The following ANK3 variants were observed in gnomAD, a reference collection of about 807,000 sequenced individuals.
The protein encoded by ANK3 is ankyrin 3.
ANK3 carries 57 observed loss-of-function variants against 370.9 expected under a neutral mutation model. The ratio of observed to expected loss-of-function variants is 0.15; its 90% confidence interval spans 0.12 to 0.19. The LOEUF (loss-of-function observed/expected upper bound fraction) is 0.19. Ranked by LOEUF, ANK3 falls within the 10% of genes least tolerant of loss-of-function variation. ANK3 has a pLI of 1.00. For synonymous variants in ANK3, 1,929 were observed against 1,946.3 expected (o/e 0.99, Z 0.23); for missense variants, 4,439 against 5,302.1 (o/e 0.84, Z 5.06).
chr10:60,528,261 C>T (rs894886615), intron 2 of ANK3, among the ~76,000 whole-genome samples: 9 of 150,946 alleles, frequency 6.0e-5, no homozygotes, highest in Admixed American at 1.3e-4. Context: ...CTCAGCCTCT[C>T]GAGTAGCTGG....
At chr10:60,369,657 T>C (rs2059851605) in intron 1 of ANK3, among the ~76,000 whole-genome samples, 3 of 152,202 alleles carry the variant, frequency 2.0e-5, no homozygotes. Context: ...AATCATTCCA[T>C]CCAGGGAACT....
rs201200532 is a variant in ANK3 at position 60,113,806 on chromosome 10, T to G, written c.2948+419A>C. Among the ~76,000 whole-genome samples, 4 of 152,276 alleles carry G rather than the reference T, an allele frequency of 2.6e-5. No individual in the cohort carries two copies. The East Asian group carries it at 7.7e-4, about 29-fold the overall frequency. ...AGTTAAGGTAAATTAACAGGCATACTTACATATTTAATTTTCTATTGGAAA... is the reference window on the plus strand; with the variant it reads ...AGTTAAGGTAAATTAACAGGCATACGTACATATTTAATTTTCTATTGGAAA... On this transcript the variant is annotated intron_variant, in intron 26 of 43. Transcript: ENST00000280772.
chr10:60,124,425 T>C (rs978889230), intron 25 of ANK3, among the ~76,000 whole-genome samples: 2 of 152,194 alleles, frequency 1.3e-5, no homozygotes, highest in African/African-American at 4.8e-5. Context: ...TCTACCCACC[T>C]TGGCCTCCCA....
intron 2 of ANK3, among the ~76,000 whole-genome samples, chr10:60,425,179 A>G (rs1028506205): frequency 5.3e-5 from 8 of 152,062 alleles, no homozygotes; most frequent in Admixed American, 4.6e-4. Context: ...TCAGGTAGGA[A>G]GGCTGCATTG....
chr10:60,073,955 G>C lies in ANK3; in HGVS notation c.6926C>G (p.Ala2309Gly). The C allele has an allele frequency of 6.2e-7, 1 of 1,613,956 alleles. No homozygotes were observed. Among genetic ancestry groups the C allele is most frequent in the Non-Finnish European group, 8.5e-7 (1 of 1,179,972 alleles). Residue 2309 changes from alanine (A) to glycine (G), a missense_variant, in exon 37 of 44, where the codon GCT becomes GGT. This residue lies in a region of ANK3 where 1,601 missense variants were observed against 1,731.7 expected (regional missense o/e 0.92). Coordinates refer to ENST00000280772, the MANE Select transcript of ANK3 (RefSeq NM_020987.5). ...CTCTGCATGCTGGGCTGAGGTTTCA[G>C]CAGCAGACTTGTGAACATCTGGAGA... is the stretch of plus-strand genomic sequence containing the variant. ...AVSPDVHKSA[A>G]ETSAQHAEKD...
intron 42 of ANK3, chr10:60,042,977 G>A: frequency 7.6e-7 from 1 of 1,314,358 alleles, no homozygotes; most frequent in Non-Finnish European, 9.7e-7. Flanking sequence ...CAACATAATT[G>A]TACTTGACAA....
intron 2 of ANK3, among the ~76,000 whole-genome samples, chr10:60,491,995 A>T (rs959435146): frequency 1.3e-5 from 2 of 152,190 alleles, no homozygotes; most frequent in Non-Finnish European, 2.9e-5. Flanking sequence ...CCTCATATAC[A>T]ACTGTGGTCC....
At chr10:60,522,224 G>A (rs921919703) in intron 2 of ANK3, among the ~76,000 whole-genome samples, 5 of 151,956 alleles carry the variant, frequency 3.3e-5, no homozygotes, top group African/African-American at 7.2e-5. Flanking sequence ...AAGCGCCTCC[G>A]TTTAGCCAGG....
At position 60,261,850 on chromosome 10, in the gene ANK3, T is replaced by C. The variant is rs1460246353; in HGVS notation, c.798+9A>G. The C allele has an allele frequency of 9.3e-6, 15 of 1,612,650 alleles. No homozygotes were observed. Among genetic ancestry groups the C allele is most frequent in the Non-Finnish European group, 1.2e-5 (14 of 1,178,780 alleles). On this transcript the variant is annotated intron_variant, in intron 7 of 43. Coordinates refer to ENST00000280772, the MANE Select transcript of ANK3 (RefSeq NM_020987.5). ...GCTTTAAAGGTATTACACATTGCTG[T>C]GCTCTTACCCTTGCGGTGAAATCCA...
intron 1 of ANK3, among the ~76,000 whole-genome samples, chr10:60,324,928 T>C (rs762719906): frequency 5.3e-5 from 8 of 152,200 alleles, no homozygotes; most frequent in Non-Finnish European, 8.8e-5. Flanking sequence ...TAGATTGAGG[T>C]GGATATTCTT....
At chr10:60,273,726 T>C (rs1474216843) in intron 4 of ANK3, among the ~76,000 whole-genome samples, 2 of 152,110 alleles carry the variant, frequency 1.3e-5, no homozygotes, top group African/African-American at 2.4e-5. Flanking sequence ...GTGGAGATAA[T>C]TGAATCATGG....
chr10:60,263,689 T>C (rs2097841975), intron 6 of ANK3, 146 bp downstream of exon 6: 2 of 925,038 alleles, frequency 2.2e-6, no homozygotes, highest in Non-Finnish European at 1.6e-6. Context: ...GTGCCTTCAG[T>C]GGCTAGCTCA....
chr10:60,601,286 T>C (rs1326172226), intron 2 of ANK3, among the ~76,000 whole-genome samples: 7 of 151,512 alleles, frequency 4.6e-5, no homozygotes, highest in African/African-American at 1.7e-4. Flanking sequence ...CACTGCCTTG[T>C]TACAAAAAAA....
chr10:60,203,755 A>G (rs1591684528), intron 11 of ANK3, among the ~76,000 whole-genome samples: 1 of 152,248 alleles, frequency 6.6e-6, no homozygotes, highest in East Asian at 1.9e-4. Flanking sequence ...ATAAATGTAC[A>G]TAGACCCCAG....
intron 1 of ANK3, among the ~76,000 whole-genome samples, chr10:60,345,844 T>C (rs1332338133): frequency 2.0e-5 from 3 of 152,144 alleles, no homozygotes; most frequent in Non-Finnish European, 4.4e-5. Flanking sequence ...AGGAAGCTGT[T>C]TGGACAAATG....
chr10:60,670,802 GC>G (rs1220534342), intron 1 of ANK3, among the ~76,000 whole-genome samples: 2 of 152,200 alleles, frequency 1.3e-5, no homozygotes, highest in African/African-American at 4.8e-5. Flanking sequence ...CTAAGGTCTG[GC>G]CAATTGACTC....
At chr10:60,728,597 T>C (rs1031199903) in intron 1 of ANK3, among the ~76,000 whole-genome samples, 1 of 152,214 alleles carries the variant, frequency 6.6e-6, no homozygotes, top group African/African-American at 2.4e-5. Flanking sequence ...TCGTAGACTG[T>C]TATAGTTGGA....
At chr10:60,650,968 C>T (rs1363827033) in intron 1 of ANK3, among the ~76,000 whole-genome samples, 1 of 152,132 alleles carries the variant, frequency 6.6e-6, no homozygotes. Context: ...TGGTGGCACA[C>T]ACCTGTAGTT....
At chr10:60,542,839 T>C (rs898212849) in intron 2 of ANK3, among the ~76,000 whole-genome samples, 2 of 151,916 alleles carry the variant, frequency 1.3e-5, no homozygotes, top group African/African-American at 4.8e-5. Context: ...GTTTGAACCA[T>C]TACGTTTTCT....
Sources: allele counts gnomAD v4.1 joint callset (sites outside exome capture counted in the v4.1 genomes callset), GRCh38; gene constraint gnomAD v4.1.1; regional missense constraint gnomAD v4.1.1; transcripts MANE v1.5; gene names NCBI Gene and HGNC (gene_info 2026-07-23, HGNC 2026-07-21).